Variants in TMPRSS11A observed in about 807,000 individuals in gnomAD.
TMPRSS11A encodes the protein transmembrane protease serine 11A.
A neutral mutation model predicts 58.9 loss-of-function variants in TMPRSS11A; 53 were observed. The observed-to-expected ratio is 0.90, with a 90% CI of 0.72 to 1.13. The LOEUF is 1.13. TMPRSS11A is among the 50% of genes most tolerant of loss of function. The pLI, the probability that TMPRSS11A is intolerant of heterozygous loss-of-function variation, is 0.00. For missense variants in TMPRSS11A, 493 were observed against 499.3 expected, an observed-to-expected ratio of 0.99 and a Z score of 0.12; for synonymous variants, 167 against 169.8, an observed-to-expected ratio of 0.98 and a Z score of 0.13.
At chr4:67,916,363 A>G (rs910944662) in intron 8 of TMPRSS11A, among the ~76,000 whole-genome samples, 1 of 152,200 alleles carries the variant, frequency 6.6e-6, no homozygotes, top group Non-Finnish European at 1.5e-5. Flanking sequence ...AAATGTTTGT[A>G]AACACATATT....
At chr4:67,911,585 T>C (rs1719982344) in intron 9 of TMPRSS11A, 82 bp from the exon 10 acceptor site, 1 of 1,184,788 alleles carries the variant, frequency 8.4e-7, no homozygotes, top group African/African-American at 1.5e-5. Flanking sequence ...ATGAATCACA[T>C]ATTTTGTTAC....
chr4:67,929,311 AC>A (rs1173186893), intron 5 of TMPRSS11A, among the ~76,000 whole-genome samples: 1 of 152,198 alleles, frequency 6.6e-6, no homozygotes, highest in Non-Finnish European at 1.5e-5. Flanking sequence ...CTAAGGGTGA[AC>A]AAAAAAAAAG....
intron 3 of TMPRSS11A, among the ~76,000 whole-genome samples, chr4:67,935,639 G>A (rs996632998): frequency 1.3e-5 from 2 of 152,044 alleles, no homozygotes; most frequent in African/African-American, 4.8e-5. Flanking sequence ...CTAACATAGT[G>A]CTTTGCATGC....
chr4:67,929,516 T>G (rs555848989), intron 5 of TMPRSS11A, among the ~76,000 whole-genome samples: 1 of 152,298 alleles, frequency 6.6e-6, no homozygotes, highest in Non-Finnish European at 1.5e-5. Context: ...TGGCAACACA[T>G]GAATTTGTGT....
intron 8 of TMPRSS11A, among the ~76,000 whole-genome samples, chr4:67,918,382 A>G (rs974550055): frequency 6.6e-6 from 1 of 152,210 alleles, no homozygotes; most frequent in Non-Finnish European, 1.5e-5. Flanking sequence ...ATTTATCTCT[A>G]CACTATTCTT....
At chr4:67,934,950 A>C (rs1177242166) in intron 3 of TMPRSS11A, among the ~76,000 whole-genome samples, 1 of 152,190 alleles carries the variant, frequency 6.6e-6, no homozygotes, top group Admixed American at 6.5e-5. Flanking sequence ...AATGAGATAT[A>C]AAAGCTGTTT....
intron 1 of TMPRSS11A, among the ~76,000 whole-genome samples, chr4:67,958,091 G>A (rs1208745751): frequency 6.6e-6 from 1 of 152,194 alleles, no homozygotes; most frequent in African/African-American, 2.4e-5. Flanking sequence ...TAGAAGTCCA[G>A]GAAGAAGTTT....
intron 3 of TMPRSS11A, among the ~76,000 whole-genome samples, chr4:67,933,638 G>T (rs1296124100): frequency 6.6e-6 from 1 of 152,106 alleles, no homozygotes; most frequent in Non-Finnish European, 1.5e-5. Context: ...GTGGTGTGGG[G>T]TTCATCTGCT....
At chr4:67,944,418 G>T (rs1486424008) in intron 3 of TMPRSS11A, 101 bp downstream of exon 3, 1 of 1,359,636 alleles carries the variant, frequency 7.4e-7, no homozygotes, top group Non-Finnish European at 1.0e-6. Context: ...TGATTCTAAT[G>T]TTGGCGGTCT....
intron 3 of TMPRSS11A, among the ~76,000 whole-genome samples, chr4:67,939,162 TTG>T (rs889578612): frequency 1.0e-5 from 1 of 98,754 alleles, no homozygotes; most frequent in East Asian, 2.0e-4. Flanking sequence ...GGTATTTCAT[TTG>T]TGTGTGTGTG....
chr4:67,913,515 C>T (rs1263029853), intron 9 of TMPRSS11A, among the ~76,000 whole-genome samples: 1 of 152,170 alleles, frequency 6.6e-6, no homozygotes, highest in East Asian at 1.9e-4. Flanking sequence ...GCTCCCCAAT[C>T]CAGTGAAGCA....
At chr4:67,931,602 G>T (rs1720622446) in intron 4 of TMPRSS11A, among the ~76,000 whole-genome samples, 1 of 152,146 alleles carries the variant, frequency 6.6e-6, no homozygotes, top group Non-Finnish European at 1.5e-5. Context: ...AGCCAAGTTT[G>T]CCTGCTTAAC....
intron 3 of TMPRSS11A, among the ~76,000 whole-genome samples, chr4:67,935,640 C>A (rs1328194377): frequency 6.6e-6 from 1 of 151,936 alleles, no homozygotes; most frequent in Non-Finnish European, 1.5e-5. Flanking sequence ...TAACATAGTG[C>A]TTTGCATGCT....
chr4:67,921,576 T>C (rs1720331764), intron 7 of TMPRSS11A, among the ~76,000 whole-genome samples: 1 of 152,168 alleles, frequency 6.6e-6, no homozygotes, highest in South Asian at 2.1e-4. Flanking sequence ...CCCAAAATGC[T>C]GGGATTACAG....
intron 3 of TMPRSS11A, among the ~76,000 whole-genome samples, chr4:67,935,832 GA>G (rs1374305319): frequency 6.6e-6 from 1 of 152,160 alleles, no homozygotes. Context: ...TATCGGAAGA[GA>G]TTTTTTTTTC....
In TMPRSS11A at chr4:67,946,500, A is replaced by G; in HGVS notation, c.83T>C (p.Leu28Pro). The change falls in exon 2 of 10, where the codon CTG (leucine) becomes CCG (proline). Residue 28 changes from leucine (L) to proline (P), a missense_variant. Transcript: ENST00000508048. ...WMIAVLIVLS[L>P]TVVAVTIGLL... is the part of the protein sequence containing the mutation. Reference sequence around the variant, plus strand: ...ACCTATGGTCACTGCCACCACTGTCAGGGACAACACAATGAGAACGGCAAT... The same window carrying G: ...ACCTATGGTCACTGCCACCACTGTCGGGGACAACACAATGAGAACGGCAAT... The G allele has an allele frequency of 6.2e-7, 1 of 1,612,532 alleles. No homozygotes were observed. The highest frequency in any genetic ancestry group is 1.7e-5 in the Admixed American group (1 of 59,754).
At chr4:67,926,021 A>C (rs905559424) in intron 5 of TMPRSS11A, among the ~76,000 whole-genome samples, 5 of 152,148 alleles carry the variant, frequency 3.3e-5, no homozygotes, top group African/African-American at 1.2e-4. Context: ...GAAAGCAACC[A>C]CCTCCTAACA....
At chr4:67,922,689 C>G in intron 7 of TMPRSS11A, 66 bp downstream of exon 7, 1 of 1,459,236 alleles carries the variant, frequency 6.9e-7, no homozygotes, top group Non-Finnish European at 9.3e-7. Flanking sequence ...TAATTGTTAC[C>G]AAGAATATGA....
intron 3 of TMPRSS11A, among the ~76,000 whole-genome samples, chr4:67,936,665 T>C (rs1235456053): frequency 6.6e-6 from 1 of 152,228 alleles, no homozygotes; most frequent in Non-Finnish European, 1.5e-5. Flanking sequence ...CTTCAGTGTT[T>C]CTTTGTGGAA....
Sources: allele counts gnomAD v4.1 joint callset (sites outside exome capture counted in the v4.1 genomes callset), GRCh38; gene constraint gnomAD v4.1.1; transcripts MANE v1.5; gene names NCBI Gene and HGNC (gene_info 2026-07-23, HGNC 2026-07-21).